Variants in KLC3 observed in about 807,000 individuals in gnomAD.
KLC3 encodes kinesin light chain 2.
A neutral mutation model predicts 62.9 loss-of-function variants in KLC3; 72 were observed. The ratio of observed to expected loss-of-function variants is 1.15; its 90% confidence interval spans 0.95 to 1.39. KLC3 has a LOEUF of 1.39. KLC3 is among the 40% of genes most tolerant of loss of function. The probability of loss-of-function intolerance (pLI) is 0.00; values close to 1 mark genes in which losing one functional copy is unlikely to be tolerated. For synonymous variants in KLC3, 377 were observed against 300.5 expected, an observed-to-expected ratio of 1.25 and a Z score of -2.63; for missense variants, 848 against 691.6, an observed-to-expected ratio of 1.23 and a Z score of -2.54.
intron 1 of KLC3, among the ~76,000 whole-genome samples, chr19:45,341,776 CGTGTGTGTGTGT>C (rs3047585): frequency 7.4e-6 from 1 of 134,830 alleles, no homozygotes; most frequent in Non-Finnish European, 1.5e-5. Context: ...GCCGTGTGTG[CGTGTGTGTGTGT>C]GTGTGTGTGT....
intron 2 of KLC3, 57 bp from the exon 3 acceptor site, chr19:45,346,486 CA>C: frequency 7.0e-7 from 1 of 1,421,506 alleles, no homozygotes; most frequent in Non-Finnish European, 9.4e-7. Context: ...TGGGCTGGGT[CA>C]GGGGCCGTCT....
chr19:45,346,800 G>A, intron 3 of KLC3, 26 bp downstream of exon 3: 1 of 1,514,548 alleles, frequency 6.6e-7, no homozygotes, highest in Non-Finnish European at 8.9e-7. Context: ...CGAGGCGGGG[G>A]GTGCTGGGCC....
Position 45,347,992 on chromosome 19 carries a change from C to G in KLC3, c.611C>G (p.Pro204Arg). 6.2e-7 allele frequency: 1 copy of G among 1,609,274 alleles called. No individual in the cohort carries two copies. The highest frequency in any genetic ancestry group is 1.1e-5 in the South Asian group (1 of 89,884). ...GCTCAGCAGGGTGGCTATGAGATCC[C>G]TGCCCGCCTTCGGACCCTGCATAAC... ...AAAQQGGYEIPARLRTLHNLV... is the reference protein window; with the variant it reads ...AAAQQGGYEIRARLRTLHNLV... Residue 204 changes from proline (P) to arginine (R), a missense_variant, in exon 5 of 13, where the codon CCT (proline) becomes CGT (arginine). Pro to Arg is a moderately radical substitution (Grantham distance 103). Coordinates refer to ENST00000391946, the MANE Select transcript of KLC3 (RefSeq NM_177417.3).
At position 45,351,219 on chromosome 19, in the gene KLC3, A is replaced by C. The variant is rs975428141; in HGVS notation, c.1444-67A>C. On this transcript the variant is annotated intron_variant, in intron 12 of 12. Transcript: ENST00000391946. ...TAGTTGGCTGCCAGGCTGGACCTGG[A>C]GCTGGAGGGTGGATGTAACACTTGC... 25 of 1,591,398 alleles carry C rather than the reference A, an allele frequency of 1.6e-5. No homozygotes were observed. In the African/African-American group the frequency reaches 2.8e-4, roughly 18 times the overall value.
At chr19:45,343,490 C>T (rs989245903) in intron 1 of KLC3, among the ~76,000 whole-genome samples, 1 of 152,014 alleles carries the variant, frequency 6.6e-6, no homozygotes, top group Admixed American at 6.6e-5. Flanking sequence ...CGCATACCAC[C>T]ATGCCTGGCT....
Position 45,348,730 on chromosome 19 carries a change from C to A in KLC3, c.864C>A (p.Pro288=). The change falls in exon 6 of 13, where the codon CCC becomes CCA. Residue 288 remains proline, a synonymous_variant. Coordinates refer to ENST00000391946, the MANE Select transcript of KLC3 (RefSeq NM_177417.3). ...IREQTLGPEH[P]AVAATLNNLA... ...AGCAGACGCTGGGCCCTGAGCACCCCGCGGTGAGTGGGGCCCCAGGGAGAC... is the reference window on the plus strand; with the variant it reads ...AGCAGACGCTGGGCCCTGAGCACCCAGCGGTGAGTGGGGCCCCAGGGAGAC... 3.2e-6 allele frequency: 5 copies of A among 1,585,548 alleles called. No individual in the cohort carries two copies. The highest frequency in any genetic ancestry group is 4.3e-6 in the Non-Finnish European group (5 of 1,166,292).
chr19:45,345,862 A>G lies in KLC3; in HGVS notation c.258+63A>G. ...GCTGAGGGCGGAGGGAGGGCCAGGC[A>G]TGAGGGGGACAGGTATGTAGGGGAC... On this transcript the variant is annotated intron_variant, in intron 2 of 12. Transcript: ENST00000391946. The G allele has an allele frequency of 5.4e-6, 8 of 1,475,574 alleles. No homozygotes were observed. The East Asian group carries it at 7.5e-5, about 14-fold the overall frequency. The allele number at this position is 1,475,574 out of a possible 1,614,324, so 91.4% of individuals were successfully genotyped here. A position where few individuals can be genotyped will look rare whatever the true frequency, so the allele number is the denominator to read the frequency against.
rs777237318 is a variant in KLC3, at chr19:45,350,554, G to A, written c.1272+3G>A. The stretch of plus-strand genomic sequence containing the variant: ...GCACAGCTGGTGACGCAGAACAGGT[G>A]AGGATGGGCTGTGCTTCGGCTCCTG... On this transcript the variant is annotated splice_donor_region_variant and intron_variant, in intron 10 of 12. Transcript: ENST00000391946. The A allele has an allele frequency of 2.5e-6, 4 of 1,613,982 alleles. No individual in the cohort carries two copies. The South Asian group carries it at 3.3e-5, about 13-fold the overall frequency.
chr19:45,351,218 G>A, intron 12 of KLC3, 68 bp from the exon 13 acceptor site: 1 of 1,591,072 alleles, frequency 6.3e-7, no homozygotes, highest in Non-Finnish European at 8.6e-7. Flanking sequence ...GCTGGACCTG[G>A]AGCTGGAGGG....
At position 45,350,393 on chromosome 19, in the gene KLC3, A is replaced by C; in HGVS notation, c.1196A>C (p.Lys399Thr). Residue 399 changes from lysine (K) to threonine (T), a missense_variant, in exon 9 of 13, where the codon AAA becomes ACA. Physicochemically the swap from Lys to Thr is moderately conservative, Grantham distance 78 (BLOSUM62 -1). Coordinates refer to ENST00000391946, the MANE Select transcript of KLC3 (RefSeq NM_177417.3). ...TATCAACAAGCGGAAGAGCTGTACAAAGAAATCCTCCACAAGGAGGACCTA... is the reference window on the plus strand; with the variant it reads ...TATCAACAAGCGGAAGAGCTGTACACAGAAATCCTCCACAAGGAGGACCTA... ...NKYQQAEELYKEILHKEDLPA... is the reference protein window; with the variant it reads ...NKYQQAEELYTEILHKEDLPA... 6.2e-7 allele frequency: 1 copy of C among 1,613,916 alleles called. No homozygotes were observed. Among genetic ancestry groups the C allele is most frequent in the Non-Finnish European group, 8.5e-7 (1 of 1,179,972 alleles).
Position 45,348,927 on chromosome 19 carries a change from A to G in KLC3, c.969+6A>G, listed in dbSNP as rs1459988677. 6.4e-7 allele frequency: 1 copy of G among 1,570,296 alleles called. No individual in the cohort carries two copies. Among genetic ancestry groups the G allele is most frequent in the Non-Finnish European group, 8.6e-7 (1 of 1,157,258 alleles). ...CTTTGGAGATCCGAGAGAAGGTCCC[A>G]TCCCCCTCACCCCACCCCGAGGAAC... On this transcript the variant is annotated splice_donor_region_variant and intron_variant, in intron 7 of 12. Transcript: ENST00000391946.
chr19:45,347,473 C>G lies in KLC3; in HGVS notation c.516C>G (p.Asp172Glu). ...SQQSESPPRRDSLASLFPSEE... is the reference protein window; with the variant it reads ...SQQSESPPRRESLASLFPSEE... ...AGTCTGAGTCCCCGCCTCGCCGAGACAGCCTGGCCTCCCTGTTCCCCAGCG... is the reference window on the plus strand; with the variant it reads ...AGTCTGAGTCCCCGCCTCGCCGAGAGAGCCTGGCCTCCCTGTTCCCCAGCG... Residue 172 changes from aspartate (D) to glutamate (E), a missense_variant, in exon 4 of 13, where the codon GAC (aspartate) becomes GAG (glutamate). Transcript: ENST00000391946. The G allele has an allele frequency of 6.2e-7, 1 of 1,612,648 alleles. No individual in the cohort carries two copies. Among genetic ancestry groups the G allele is most frequent in the Non-Finnish European group, 8.5e-7 (1 of 1,179,356 alleles).
At chr19:45,348,572 T>A in intron 5 of KLC3, 74 bp from the exon 6 acceptor site, 1 of 1,424,894 alleles carries the variant, frequency 7.0e-7, no homozygotes, top group Non-Finnish European at 9.7e-7. Context: ...CCTGTCAGGA[T>A]TGGCCCAGCC....
chr19:45,348,866 G>A lies in KLC3; in HGVS notation c.914G>A (p.Gly305Glu), dbSNP rs1337687111. 6.3e-7 allele frequency: 1 copy of A among 1,585,080 alleles called. No homozygotes were observed. Among genetic ancestry groups the A allele is most frequent in the Non-Finnish European group, 8.6e-7 (1 of 1,165,988 alleles). Reference sequence around the variant, plus strand: ...TTGGCTGTCCTCTATGGGAAGCGTGGGCGTTACCGGGAGGCAGAGCCCCTG... The same window carrying A: ...TTGGCTGTCCTCTATGGGAAGCGTGAGCGTTACCGGGAGGCAGAGCCCCTG... ...NNLAVLYGKRGRYREAEPLCQ... is the reference protein window; with the variant it reads ...NNLAVLYGKRERYREAEPLCQ... Residue 305 changes from glycine to glutamate, a missense_variant, in exon 7 of 13, where the codon GGG (glycine) becomes GAG (glutamate). By Grantham distance (98) the Gly-to-Glu change is moderately conservative. Transcript: ENST00000391946.
At chr19:45,341,268 G>A (rs961355247) in intron 1 of KLC3, among the ~76,000 whole-genome samples, 2 of 151,638 alleles carry the variant, frequency 1.3e-5, no homozygotes, top group Non-Finnish European at 2.9e-5. Context: ...GGGTGAAAGC[G>A]ACTGTCCGTG....
rs201702505 is a variant in KLC3 at position 45,351,317 on chromosome 19, G to T, written c.1475G>T (p.Arg492Leu). ...AGCTGGCACCTGGACAAGGCCCCTCGGACCCTCAGCGCCAGCACCCAGGAC... is the reference window on the plus strand; with the variant it reads ...AGCTGGCACCTGGACAAGGCCCCTCTGACCCTCAGCGCCAGCACCCAGGAC... The part of the protein sequence containing the change: ...FPSWHLDKAP[R>L]TLSASTQDLS... Residue 492 changes from arginine (R) to leucine (L), a missense_variant, in exon 13 of 13, where the codon CGG becomes CTG. Transcript: ENST00000391946. 37 of 1,612,288 alleles carry T rather than the reference G, an allele frequency of 2.3e-5. No individual in the cohort carries two copies. The highest frequency in any genetic ancestry group is 2.5e-6 in the Non-Finnish European group (3 of 1,179,986).
chr19:45,342,359 C>T (rs564973143), intron 1 of KLC3, among the ~76,000 whole-genome samples: 1 of 151,884 alleles, frequency 6.6e-6, no homozygotes, highest in East Asian at 1.9e-4. Context: ...GCTGAGGCGG[C>T]GGGGATTGCT....
chr19:45,341,576 T>TGCGCGCGC (rs1188553164), intron 1 of KLC3, among the ~76,000 whole-genome samples: 7 of 129,912 alleles, frequency 5.4e-5, no homozygotes, highest in African/African-American at 1.0e-4. Context: ...TGTGTGTGTG[T>TGCGCGCGC]GTGCGCGCGC....
rs552241931 is a variant in KLC3 at position 45,351,345 on chromosome 19, G to A, written c.1503G>A (p.Leu501=). The A allele has an allele frequency of 1.4e-4, 233 of 1,611,398 alleles. 2 individuals are homozygous for A. The South Asian group carries it at 2.3e-3, about 16-fold the overall frequency. Residue 501 remains leucine (L), a synonymous_variant, in exon 13 of 13, where the codon CTG becomes CTA. Transcript: ENST00000391946. ...CCCTCAGCGCCAGCACCCAGGACCT[G>A]AGCCCCCACTAACGTCCAGTGAACT... ...PRTLSASTQD[L]SPH is the part of the protein sequence containing the mutation.
Sources: allele counts gnomAD v4.1 joint callset (sites outside exome capture counted in the v4.1 genomes callset), GRCh38; gene constraint gnomAD v4.1.1; transcripts MANE v1.5; gene names NCBI Gene and HGNC (gene_info 2026-07-23, HGNC 2026-07-21).